ITGAE: variants seen among roughly 807,000 people sequenced by gnomAD.
The protein encoded by ITGAE is integrin subunit alpha E.
A neutral mutation model predicts 136.5 loss-of-function variants in ITGAE; 99 were observed. That is an observed-to-expected ratio of 0.73 (90% CI 0.62 to 0.86). ITGAE has a LOEUF of 0.86. Ranked by LOEUF, ITGAE falls within the 40% of genes least tolerant of loss-of-function variation. ITGAE has a pLI of 0.00. For synonymous variants in ITGAE, 613 were observed against 591.8 expected, an observed-to-expected ratio of 1.04 and a Z score of -0.52; for missense variants, 1,447 against 1,515.3, an observed-to-expected ratio of 0.95 and a Z score of 0.75.
At chr17:3,770,765 G>GACTCATCA (rs2052402028) in intron 2 of ITGAE, among the ~76,000 whole-genome samples, 2 of 152,086 alleles carry the variant, frequency 1.3e-5, no homozygotes, top group African/African-American at 4.8e-5. Context: ...AGCCCCGCTG[G>GACTCATCA]GCCCTCCCCC....
intron 1 of ITGAE, 48 bp downstream of exon 1, chr17:3,801,063 G>A: frequency 1.2e-6 from 2 of 1,606,794 alleles, no homozygotes; most frequent in Admixed American, 1.7e-5. Context: ...CACCTGGCTG[G>A]AGCTGAGGGC....
At chr17:3,758,115 T>A (rs575795107) in intron 8 of ITGAE, among the ~76,000 whole-genome samples, 47 of 152,316 alleles carry the variant, frequency 3.1e-4, no homozygotes, top group African/African-American at 1.1e-3. Flanking sequence ...CTTGTGTGCG[T>A]ACAGGAAGAC....
rs2053191538 is a variant in ITGAE at position 3,799,197 on chromosome 17, C to G, written c.34+1914G>C. ...AGACTCAACGCCACCTCACCTCCTC[C>G]AGGAAACTCTCCTGGACTGGCCCAT... On this transcript the variant is annotated intron_variant, in intron 1 of 30. Transcript: ENST00000263087. The surrounding 1 kb of genome is among the most constrained non-coding windows in gnomAD (Gnocchi z 4.1). Among the ~76,000 whole-genome samples, 1 of 152,162 alleles carries G rather than the reference C, an allele frequency of 6.6e-6. No individual in the cohort carries two copies. The highest frequency in any genetic ancestry group is 2.1e-4 in the South Asian group (1 of 4,834).
rs139038766 is a variant in ITGAE, at chr17:3,739,892, G to C, written c.2449-14C>G. The C allele has an allele frequency of 7.5e-6, 12 of 1,610,174 alleles. No individual in the cohort carries two copies. Among genetic ancestry groups the C allele is most frequent in the Middle Eastern group, 1.7e-4 (1 of 6,052 alleles). ...CTCATAGGGCAGCTGTAACCAGACA[G>C]AGAGTCCCGATCAGCCCAGGCTCCG... On this transcript the variant is annotated splice_polypyrimidine_tract_variant and intron_variant, in intron 19 of 30. Transcript: ENST00000263087.
rs535878096 is a variant in ITGAE at position 3,798,278 on chromosome 17, C to T, written c.34+2833G>A. 1.3e-5 allele frequency among the ~76,000 whole-genome samples: 2 copies of T among 152,306 alleles called. No homozygotes were observed. Among genetic ancestry groups the T allele is most frequent in the African/African-American group, 4.8e-5 (2 of 41,560 alleles). On this transcript the variant is annotated intron_variant, in intron 1 of 30. Coordinates refer to ENST00000263087, the MANE Select transcript of ITGAE (RefSeq NM_002208.5). This position sits in a 1 kb window ranked among gnomAD's most constrained non-coding sequence, Gnocchi z 4.3. ...GGCTACTGTGTGCACAACCTGCCTT[C>T]TCTTCACACAGGGGCTGGGATAGGG...
intron 1 of ITGAE, among the ~76,000 whole-genome samples, chr17:3,786,404 A>G (rs1372760057): frequency 3.3e-5 from 5 of 152,172 alleles, no homozygotes; most frequent in Admixed American, 3.3e-4. Flanking sequence ...AATAATGCCA[A>G]GTTTATATAA....
At chr17:3,784,068 G>C (rs2052724434) in intron 1 of ITGAE, among the ~76,000 whole-genome samples, 1 of 152,116 alleles carries the variant, frequency 6.6e-6, no homozygotes, top group Non-Finnish European at 1.5e-5. Context: ...AGACCATCCT[G>C]GCTAACACGG....
chr17:3,759,335 C>A, intron 8 of ITGAE, 67 bp downstream of exon 8: 1 of 1,563,532 alleles, frequency 6.4e-7, no homozygotes, highest in South Asian at 1.1e-5. Flanking sequence ...CCAGCCACTT[C>A]CTCCATGAGT....
At position 3,767,350 on chromosome 17, in the gene ITGAE, G is replaced by A. The variant is rs150717900; in HGVS notation, c.156-3390C>T. 6.9e-4 allele frequency among the ~76,000 whole-genome samples: 105 copies of A among 151,452 alleles called. 2 individuals are homozygous for A. The highest frequency in any genetic ancestry group is 6.8e-3 in the Middle Eastern group (2 of 292). ...TGACCTCAGGTGATCCACTCACTTC[G>A]GCCTCCCAAATTGCTGGGATTACAG... On this transcript the variant is annotated intron_variant, in intron 2 of 30. Transcript: ENST00000263087.
At chr17:3,725,086 C>T in intron 26 of ITGAE, 1 of 1,614,208 alleles carries the variant, frequency 6.2e-7, no homozygotes. Context: ...TGGACCAAAA[C>T]CAGGGCTTCC....
intron 8 of ITGAE, among the ~76,000 whole-genome samples, chr17:3,759,018 G>T (rs908332140): frequency 1.3e-5 from 2 of 151,740 alleles, no homozygotes; most frequent in Non-Finnish European, 2.9e-5. Context: ...CCAGCTACTC[G>T]GGAGGCTGAG....
chr17:3,786,261 A>C (rs1316343710), intron 1 of ITGAE, among the ~76,000 whole-genome samples: 1 of 152,110 alleles, frequency 6.6e-6, no homozygotes, highest in African/African-American at 2.4e-5. Flanking sequence ...TCCTTGAAAT[A>C]GAAATGCACC....
intron 12 of ITGAE, chr17:3,754,781 A>G (rs1043655041): frequency 1.0e-5 from 3 of 291,590 alleles, no homozygotes; most frequent in Admixed American, 1.1e-4. Context: ...GCCCTCGCCC[A>G]GGTGGCCTCT....
At chr17:3,792,641 C>G (rs571725419) in intron 1 of ITGAE, among the ~76,000 whole-genome samples, 13 of 152,282 alleles carry the variant, frequency 8.5e-5, no homozygotes, top group Admixed American at 2.0e-4. Flanking sequence ...CCAGCACTTT[C>G]TATCACGTGC....
chr17:3,787,836 C>T (rs567622835), intron 1 of ITGAE, among the ~76,000 whole-genome samples: 15 of 151,664 alleles, frequency 9.9e-5, no homozygotes, highest in Admixed American at 1.3e-4. Context: ...TACAGATGCC[C>T]GCCACCACGC....
chr17:3,730,989 G>A, intron 23 of ITGAE, 115 bp downstream of exon 23: 1 of 734,272 alleles, frequency 1.4e-6, no homozygotes, highest in African/African-American at 1.7e-5. Flanking sequence ...GGGCTCACTG[G>A]GGTTTCCTTT....
At chr17:3,754,677 G>T in intron 12 of ITGAE, 1 of 211,382 alleles carries the variant, frequency 4.7e-6, no homozygotes, top group South Asian at 5.2e-5. Flanking sequence ...ACCAGGACCC[G>T]CCCCTCGGCC....
chr17:3,780,340 T>C (rs144676202), intron 1 of ITGAE, among the ~76,000 whole-genome samples: 2,188 of 152,176 alleles, frequency 0.014, 53 homozygotes, highest in African/African-American at 0.05. Flanking sequence ...TTTTTTGTAT[T>C]TTTAGTAGAG....
chr17:3,717,521 C>T (rs1398529945), intron 29 of ITGAE: 1 of 152,114 alleles, frequency 6.6e-6, no homozygotes, highest in Non-Finnish European at 1.5e-5. Context: ...TTCCTGAGAC[C>T]CAGGTATGGC....
Sources: gnomAD v4.1 joint callset for allele counts (sites outside exome capture counted in the v4.1 genomes callset) on GRCh38, gnomAD v4.1.1 for gene constraint, Gnocchi (gnomAD v3.1) non-coding constraint, MANE v1.5 for transcripts, NCBI Gene and HGNC (gene_info 2026-07-23, HGNC 2026-07-21) for gene names.